The following KIFC3 variants were observed in gnomAD, a reference collection of about 807,000 sequenced individuals.
The protein encoded by KIFC3 is kinesin-like protein KIFC3.
Under a neutral mutation model 101.8 loss-of-function variants are expected in KIFC3, and 60 were observed. That is an observed-to-expected ratio of 0.59 (90% CI 0.48 to 0.73). KIFC3 has a LOEUF of 0.73. Ranked by LOEUF, KIFC3 falls within the 30% of genes least tolerant of loss-of-function variation. The pLI is 0.00. For synonymous variants in KIFC3, 476 were observed against 482.7 expected (o/e 0.99, Z 0.18); for missense variants, 966 against 1,137.1 (o/e 0.85, Z 2.16).
At position 57,821,738 on chromosome 16, in the gene KIFC3, C is replaced by T. The variant is rs183842063; in HGVS notation, c.109-23456G>A. Reference sequence around the variant, plus strand: ...ACAACACTTCGCTGACCTCAGAATTCCTGAAGTTAAAAAAAGAAAAAAAAT... The same window carrying T: ...ACAACACTTCGCTGACCTCAGAATTTCTGAAGTTAAAAAAAGAAAAAAAAT... On this transcript the variant is annotated intron_variant, in intron 1 of 2. Coordinates refer to the KIFC3 transcript ENST00000563028. Among the ~76,000 whole-genome samples the T allele has an allele frequency of 5.4e-3, 827 of 152,122 alleles. 7 individuals are homozygous for T. Among genetic ancestry groups the T allele is most frequent in the Non-Finnish European group, 7.6e-3 (519 of 67,992 alleles).
chr16:57,784,798 AAGG>A (rs1450594732), intron 3 of KIFC3, among the ~76,000 whole-genome samples: 9 of 146,112 alleles, frequency 6.2e-5, no homozygotes, highest in East Asian at 1.9e-4. Flanking sequence ...GGAGATGCAG[AAGG>A]AGAAGAAAGT....
chr16:57,758,768 G>A lies in KIFC3; in HGVS notation c.*166C>T, dbSNP rs1158442304. ...TTCTGAACATGTTTCTCATCTTTGAGGGGAGACGGGGCAGAAGAAGAGCCT... is the reference window on the plus strand; with the variant it reads ...TTCTGAACATGTTTCTCATCTTTGAAGGGAGACGGGGCAGAAGAAGAGCCT... On this transcript the variant is annotated 3_prime_UTR_variant, in exon 20 of 20. Transcript: ENST00000445690. 5.6e-6 allele frequency: 6 copies of A among 1,074,070 alleles called. No individual in the cohort carries two copies. Among genetic ancestry groups the A allele is most frequent in the Non-Finnish European group, 8.6e-6 (6 of 698,884 alleles). The allele number at this position is 1,074,070 out of a possible 1,614,324, so 66.5% of individuals were successfully genotyped here.
At chr16:57,782,882 A>G (rs1327003075) in intron 3 of KIFC3, among the ~76,000 whole-genome samples, 4 of 152,186 alleles carry the variant, frequency 2.6e-5, no homozygotes, top group Non-Finnish European at 4.4e-5. Context: ...GGAGGTGGAG[A>G]TTGCAGTGAG....
At chr16:57,785,709 C>T in intron 3 of KIFC3, 1 of 1,144,198 alleles carries the variant, frequency 8.7e-7, no homozygotes. Context: ...GCAGAGGTCC[C>T]ACGCTGGCAG....
chr16:57,842,199 CA>C (rs1215568858), intron 1 of KIFC3, among the ~76,000 whole-genome samples: 14 of 145,770 alleles, frequency 9.6e-5, no homozygotes, highest in South Asian at 2.2e-4. Context: ...GACTCCGTCT[CA>C]AAAAAAAAAA....
chr16:57,815,682 C>G, intron 1 of KIFC3: 1 of 1,275,096 alleles, frequency 7.8e-7, no homozygotes, highest in Non-Finnish European at 1.0e-6. Flanking sequence ...ACACTCCACT[C>G]GGGGCCTGGG....
At chr16:57,844,896 G>A (rs1284579567) in intron 1 of KIFC3, among the ~76,000 whole-genome samples, 2 of 152,164 alleles carry the variant, frequency 1.3e-5, no homozygotes, top group African/African-American at 4.8e-5. Flanking sequence ...GCAATTAAAA[G>A]GCTTAGAGGA....
chr16:57,804,756 ATTTTTT>A (rs1229766123), upstream of KIFC3, among the ~76,000 whole-genome samples: 1 of 143,330 alleles, frequency 7.0e-6, no homozygotes, highest in East Asian at 2.0e-4. Flanking sequence ...TGCCTAGCTA[ATTTTTT>A]TTTTTTTTAA....
At chr16:57,847,521 T>G (rs1353905878) in intron 1 of KIFC3, among the ~76,000 whole-genome samples, 2 of 151,874 alleles carry the variant, frequency 1.3e-5, no homozygotes, top group Non-Finnish European at 2.9e-5. Flanking sequence ...ACACATTTGG[T>G]GTTAGGAGTG....
At chr16:57,860,022 AAAAAT>A (rs547546702) in intron 1 of KIFC3, among the ~76,000 whole-genome samples, 11,216 of 86,464 alleles carry the variant, frequency 0.13, 705 homozygotes, top group Middle Eastern at 0.17. Flanking sequence ...ACTCTGTCTC[AAAAAT>A]AAAATAAAAT....
At chr16:57,771,137 G>C (rs1477124790) in intron 6 of KIFC3, 61 bp downstream of exon 6, 2 of 1,592,738 alleles carry the variant, frequency 1.3e-6, no homozygotes, top group Non-Finnish European at 1.7e-6. Flanking sequence ...TTATGGGCTA[G>C]CCCTGCCCCA....
intron 3 of KIFC3, chr16:57,785,718 AGAG>A (rs1180104590): frequency 1.8e-6 from 2 of 1,099,684 alleles, no homozygotes; most frequent in African/African-American, 3.3e-5. Context: ...CCACGCTGGC[AGAG>A]GAGGGGGTCC....
intron 3 of KIFC3, chr16:57,785,813 G>A (rs780933307): frequency 7.0e-5 from 21 of 299,048 alleles, no homozygotes; most frequent in South Asian, 5.0e-4. Flanking sequence ...GGGCGGCAGC[G>A]GCATAGGTTA....
chr16:57,861,820 G>A (rs531630308), intron 1 of KIFC3, among the ~76,000 whole-genome samples: 88 of 152,204 alleles, frequency 5.8e-4, no homozygotes, highest in African/African-American at 2.1e-3. Flanking sequence ...GTGATGGTGT[G>A]CACCTGTAAT....
chr16:57,813,754 G>A, intron 1 of KIFC3: 1 of 985,410 alleles, frequency 1.0e-6, no homozygotes, highest in Non-Finnish European at 1.2e-6. Flanking sequence ...CACAGCCTCT[G>A]CAGCACGTGC....
intron 1 of KIFC3, among the ~76,000 whole-genome samples, chr16:57,826,907 G>A (rs1224788047): frequency 6.6e-6 from 1 of 152,212 alleles, no homozygotes; most frequent in African/African-American, 2.4e-5. Context: ...AAGTGCGTCT[G>A]GGGCTGCTCC....
chr16:57,764,310 A>G (rs1233830351), intron 11 of KIFC3, 63 bp from the exon 12 acceptor site: 16 of 1,011,026 alleles, frequency 1.6e-5, no homozygotes, highest in Non-Finnish European at 2.2e-5. Context: ...ACCACCAGCT[A>G]CAAGTCCAGC....
intron 1 of KIFC3, among the ~76,000 whole-genome samples, chr16:57,828,315 C>T (rs571219833): frequency 6.6e-6 from 1 of 152,240 alleles, no homozygotes; most frequent in Admixed American, 6.5e-5. Flanking sequence ...AGGCCACCTG[C>T]CCGGTAAGGC....
chr16:57,778,185 C>T (rs1400897666), intron 3 of KIFC3, among the ~76,000 whole-genome samples: 1 of 152,104 alleles, frequency 6.6e-6, no homozygotes, highest in Non-Finnish European at 1.5e-5. Context: ...GAGGCTGAGG[C>T]GGGCAGATCA....
Sources: allele counts gnomAD v4.1 joint callset (sites outside exome capture counted in the v4.1 genomes callset), GRCh38; gene constraint gnomAD v4.1.1; transcripts MANE v1.5; gene names NCBI Gene and HGNC (gene_info 2026-07-23, HGNC 2026-07-21).